MAP4: variants seen among roughly 807,000 people sequenced by gnomAD.
MAP4 encodes the protein microtubule-associated protein 4.
MAP4 carries 76 observed loss-of-function variants against 170.2 expected under a neutral mutation model. That is an observed-to-expected ratio of 0.45 (90% CI 0.37 to 0.54). The LOEUF is 0.54. MAP4 is among the 20% of genes least tolerant of loss of function. MAP4 has a pLI of 0.00. For synonymous variants in MAP4, 909 were observed against 994.5 expected (o/e 0.91, Z 1.62); for missense variants, 2,506 against 2,748.0 (o/e 0.91, Z 1.97).
intron 1 of MAP4, among the ~76,000 whole-genome samples, chr3:48,041,035 G>A (rs1291699475): frequency 6.6e-6 from 1 of 151,938 alleles, no homozygotes; most frequent in African/African-American, 2.4e-5. Context: ...AAGTACCTGC[G>A]TCAACAATCC....
chr3:47,944,241 C>T (rs1459590914), intron 3 of MAP4, among the ~76,000 whole-genome samples: 2 of 151,926 alleles, frequency 1.3e-5, no homozygotes, highest in East Asian at 3.9e-4. Flanking sequence ...ACCTGGGAGG[C>T]GGAGGTTGCA....
At chr3:48,053,073 G>C (rs557520404) in intron 1 of MAP4, among the ~76,000 whole-genome samples, 1 of 152,082 alleles carries the variant, frequency 6.6e-6, no homozygotes, top group Non-Finnish European at 1.5e-5. Context: ...CATTCATTAA[G>C]TGGTTTTATA....
intron 3 of MAP4, among the ~76,000 whole-genome samples, chr3:47,961,640 A>G (rs2100071640): frequency 6.6e-6 from 1 of 152,090 alleles, no homozygotes; most frequent in South Asian, 2.1e-4. Context: ...CTTCCTAGAG[A>G]GCGGGCATGA....
chr3:47,898,773 C>T (rs1173414592), intron 10 of MAP4, among the ~76,000 whole-genome samples: 1 of 152,062 alleles, frequency 6.6e-6, no homozygotes, highest in South Asian at 2.1e-4. Flanking sequence ...GCAGGACCCA[C>T]ATCTATACAA....
In MAP4 at chr3:47,909,415, T is replaced by C. The variant is rs2100034799; in HGVS notation, c.5006A>G (p.Lys1669Arg). The C allele has an allele frequency of 6.2e-7, 1 of 1,613,466 alleles. No homozygotes were observed. Among genetic ancestry groups the C allele is most frequent in the African/African-American group, 1.3e-5 (1 of 74,894 alleles). The part of the protein sequence containing the change: ...TLLSPKSEND[K>R]LKEISLACKI... ...ACAAGCCAGACTAATTTCTTTCAATTTATCATTTTCACTTTTTGGAGACAA... is the reference window on the plus strand; with the variant it reads ...ACAAGCCAGACTAATTTCTTTCAATCTATCATTTTCACTTTTTGGAGACAA... The change falls in exon 9 of 21, where the codon AAA (lysine) becomes AGA (arginine). Residue 1669 changes from lysine to arginine, a missense_variant. Coordinates refer to ENST00000683076, the MANE Select transcript of MAP4 (RefSeq NM_001385682.1).
chr3:47,963,114 C>T (rs2100072673), intron 3 of MAP4, among the ~76,000 whole-genome samples: 1 of 152,180 alleles, frequency 6.6e-6, no homozygotes, highest in Admixed American at 6.5e-5. Context: ...GTTTCACCTC[C>T]AGTTTTGTCC....
intron 2 of MAP4, among the ~76,000 whole-genome samples, chr3:47,986,132 T>C (rs1361789723): frequency 6.6e-6 from 1 of 152,166 alleles, no homozygotes; most frequent in Admixed American, 6.5e-5. Flanking sequence ...ACAAAGTCAT[T>C]TGCTTGCAGA....
In MAP4 at chr3:48,054,715, C is replaced by T. The variant is rs572386180; in HGVS notation, c.-20+34058G>A. On this transcript the variant is annotated intron_variant, in intron 1 of 18. Transcript: ENST00000360240. ...CCCAGCTACTCAGGAGGCTGAGACA[C>T]GAGAATCACTTGAAACCTGAAAGCA... is the stretch of plus-strand genomic sequence containing the variant. Among the ~76,000 whole-genome samples the T allele has an allele frequency of 5.4e-4, 78 of 143,834 alleles. 2 individuals are homozygous for T. In the South Asian group the frequency reaches 0.016, roughly 30 times the overall value. The allele number at this position is 143,834 out of a possible 152,430, so 94.4% of individuals were successfully genotyped here.
intron 1 of MAP4, among the ~76,000 whole-genome samples, chr3:48,044,490 C>T (rs374082685): frequency 2.6e-5 from 4 of 151,806 alleles, no homozygotes. Flanking sequence ...TTGGGCCAGG[C>T]ACAGTGGCTC....
At chr3:48,027,832 C>T (rs2100113921) in intron 1 of MAP4, among the ~76,000 whole-genome samples, 1 of 152,056 alleles carries the variant, frequency 6.6e-6, no homozygotes, top group Admixed American at 6.6e-5. Flanking sequence ...GTGTAAGACC[C>T]TGTCTCAAAA....
intron 1 of MAP4, among the ~76,000 whole-genome samples, chr3:48,069,688 T>C (rs2100140040): frequency 6.6e-6 from 1 of 152,212 alleles, no homozygotes; most frequent in South Asian, 2.1e-4. Context: ...GTCCCTATTA[T>C]TGTTATCTTA....
At chr3:48,050,046 G>A (rs552235903) in intron 1 of MAP4, among the ~76,000 whole-genome samples, 17 of 148,324 alleles carry the variant, frequency 1.1e-4, no homozygotes. Context: ...GATCACCGGA[G>A]GTCAAGAGTT....
chr3:47,911,087 T>A lies in MAP4; in HGVS notation c.3334A>T (p.Thr1112Ser). The change falls in exon 9 of 21, where the codon ACT becomes TCT. Residue 1112 changes from threonine to serine, a missense_variant. By Grantham distance (58) the Thr-to-Ser change is moderately conservative. Around this residue, in one of 3 missense-constraint regions of MAP4, gnomAD observed 2,008 missense variants for 2,206.0 expected, o/e 0.91. Transcript: ENST00000683076. The surrounding 1 kb of genome is among the most constrained non-coding windows in gnomAD (Gnocchi z 4.0). The stretch of plus-strand genomic sequence containing the variant: ...CCCAGCTCCTCACTCTTATCCTGAG[T>A]AGTCATTCCTTCAGTTTTAGAGACT... ...EPVSKTEGMT[T>S]QDKSEELGLN... The A allele has an allele frequency of 6.5e-7, 1 of 1,536,158 alleles. No individual in the cohort carries two copies.
intron 18 of MAP4, among the ~76,000 whole-genome samples, chr3:47,856,166 T>C (rs1237292648): frequency 6.6e-6 from 1 of 152,092 alleles, no homozygotes. Flanking sequence ...AGCAGCGTGG[T>C]TTCCCTTGGG....
intron 1 of MAP4, among the ~76,000 whole-genome samples, chr3:48,086,168 A>G (rs1010217403): frequency 3.3e-5 from 5 of 152,032 alleles, no homozygotes. Context: ...ACACACACAC[A>G]CACAAATTAG....
chr3:48,038,854 C>A (rs1373226675), intron 1 of MAP4, among the ~76,000 whole-genome samples: 1 of 152,144 alleles, frequency 6.6e-6, no homozygotes, highest in Non-Finnish European at 1.5e-5. Flanking sequence ...GTAATCCCAG[C>A]ATTTTGGGAG....
At chr3:47,937,140 C>T (rs2100053439) in intron 3 of MAP4, among the ~76,000 whole-genome samples, 1 of 151,958 alleles carries the variant, frequency 6.6e-6, no homozygotes, top group Non-Finnish European at 1.5e-5. Context: ...TTTCTGAAGC[C>T]CATTTTAATT....
chr3:47,922,885 T>C (rs2100043752), intron 4 of MAP4, among the ~76,000 whole-genome samples: 1 of 152,056 alleles, frequency 6.6e-6, no homozygotes, highest in South Asian at 2.1e-4. Context: ...CCGTCTCTAC[T>C]AAAAATATAA....
intron 1 of MAP4, among the ~76,000 whole-genome samples, chr3:48,047,994 C>G (rs977419729): frequency 6.6e-6 from 1 of 152,170 alleles, no homozygotes. Context: ...GTTCCATCTA[C>G]TTGGAAGGCT....
Sources: gnomAD v4.1 joint callset for allele counts (sites outside exome capture counted in the v4.1 genomes callset) on GRCh38, gnomAD v4.1.1 for gene constraint, gnomAD v4.1.1 regional missense constraint, Gnocchi (gnomAD v3.1) non-coding constraint, MANE v1.5 for transcripts, NCBI Gene and HGNC (gene_info 2026-07-23, HGNC 2026-07-21) for gene names.